The following WDR70 variants were observed in gnomAD, a reference collection of about 807,000 sequenced individuals.
The protein encoded by WDR70 is WD repeat domain 70.
Under a neutral mutation model 88.6 loss-of-function variants are expected in WDR70, and 53 were observed. The observed-to-expected ratio is 0.60, with a 90% confidence interval of 0.48 to 0.75. The LOEUF (loss-of-function observed/expected upper bound fraction) is 0.75. WDR70 is among the 30% of genes least tolerant of loss of function. The pLI, the probability that WDR70 is intolerant of heterozygous loss-of-function variation, is 0.00. For synonymous variants in WDR70, 280 were observed against 270.0 expected, an observed-to-expected ratio of 1.04 and a Z score of -0.36; for missense variants, 610 against 823.2, an observed-to-expected ratio of 0.74 and a Z score of 3.17.
At chr5:37,655,194 T>C (rs1312288249) in intron 10 of WDR70, among the ~76,000 whole-genome samples, 1 of 152,214 alleles carries the variant, frequency 6.6e-6, no homozygotes, top group African/African-American at 2.4e-5. Flanking sequence ...TATTTCTCCT[T>C]CGCTTATGAA....
chr5:37,567,390 C>G (rs138978481), intron 9 of WDR70, among the ~76,000 whole-genome samples: 1 of 152,110 alleles, frequency 6.6e-6, no homozygotes, highest in East Asian at 1.9e-4. Context: ...GAATAAATCT[C>G]TTGTATAACT....
At chr5:37,563,648 C>T (rs1331736718) in intron 9 of WDR70, among the ~76,000 whole-genome samples, 2 of 59,128 alleles carry the variant, frequency 3.4e-5, no homozygotes, top group Non-Finnish European at 8.9e-5. Flanking sequence ...GCTGGCCGGG[C>T]GGGGGGCTGA....
intron 10 of WDR70, among the ~76,000 whole-genome samples, chr5:37,632,496 A>T (rs1486625861): frequency 1.3e-5 from 2 of 152,170 alleles, no homozygotes; most frequent in African/African-American, 4.8e-5. Flanking sequence ...GAAGACACTG[A>T]TATTGATGAT....
intron 10 of WDR70, among the ~76,000 whole-genome samples, chr5:37,625,645 C>T (rs557255764): frequency 6.6e-6 from 1 of 152,220 alleles, no homozygotes; most frequent in East Asian, 1.9e-4. Context: ...CTGCCTCAGC[C>T]TCCTGAGTAG....
At chr5:37,475,650 A>G (rs1229028371) in intron 7 of WDR70, among the ~76,000 whole-genome samples, 2 of 152,154 alleles carry the variant, frequency 1.3e-5, no homozygotes, top group South Asian at 2.1e-4. Flanking sequence ...CACACTCTCC[A>G]TATAAATAAA....
At chr5:37,539,420 A>G (rs1360323819) in intron 9 of WDR70, among the ~76,000 whole-genome samples, 1 of 152,222 alleles carries the variant, frequency 6.6e-6, no homozygotes, top group Non-Finnish European at 1.5e-5. Flanking sequence ...GCCACACAGA[A>G]AAGACCATGT....
intron 8 of WDR70, among the ~76,000 whole-genome samples, chr5:37,493,981 G>A (rs1213134020): frequency 1.3e-5 from 2 of 152,004 alleles, no homozygotes; most frequent in Admixed American, 1.3e-4. Context: ...ACCATGCCTG[G>A]CTGATTTTTG....
chr5:37,428,872 T>C (rs769920041), intron 5 of WDR70, among the ~76,000 whole-genome samples: 4 of 152,218 alleles, frequency 2.6e-5, no homozygotes, highest in African/African-American at 4.8e-5. Flanking sequence ...ACCTGCAAAA[T>C]TGGAGAATTC....
chr5:37,514,884 C>CGG (rs1740840501), intron 8 of WDR70, among the ~76,000 whole-genome samples: 2 of 151,924 alleles, frequency 1.3e-5, no homozygotes, highest in Non-Finnish European at 2.9e-5. Context: ...GGCATGGTGG[C>CGG]TCATGCCTGT....
At chr5:37,519,240 G>A (rs1033734050) in intron 9 of WDR70, among the ~76,000 whole-genome samples, 14 of 152,254 alleles carry the variant, frequency 9.2e-5, no homozygotes, top group Middle Eastern at 3.4e-3. Context: ...ATGGGGCACC[G>A]GGCAGAGGCG....
intron 12 of WDR70, among the ~76,000 whole-genome samples, chr5:37,702,368 A>G (rs774976499): frequency 1.3e-4 from 20 of 152,204 alleles, no homozygotes; most frequent in Non-Finnish European, 2.6e-4. Flanking sequence ...TAGATTAGTC[A>G]CAATCAGATG....
At chr5:37,415,283 A>C (rs1197165007) in intron 5 of WDR70, among the ~76,000 whole-genome samples, 1 of 151,638 alleles carries the variant, frequency 6.6e-6, no homozygotes, top group Admixed American at 6.6e-5. Flanking sequence ...GCCCGTTCTC[A>C]ATGAGCTGTT....
intron 5 of WDR70, among the ~76,000 whole-genome samples, chr5:37,402,363 C>T (rs1749224460): frequency 6.7e-6 from 1 of 150,260 alleles, no homozygotes; most frequent in African/African-American, 2.5e-5. Context: ...TATTGATGGA[C>T]ACGTAGGTTG....
At chr5:37,594,935 T>C (rs141473946) in intron 9 of WDR70, among the ~76,000 whole-genome samples, 6,108 of 152,300 alleles carry the variant, frequency 0.04, 435 homozygotes, top group African/African-American at 0.14. Context: ...GATTTGGCTC[T>C]ATGTTTGTCT....
intron 13 of WDR70, among the ~76,000 whole-genome samples, chr5:37,709,235 A>AT (rs1455315880): frequency 1.3e-5 from 2 of 152,196 alleles, no homozygotes; most frequent in Non-Finnish European, 2.9e-5. Context: ...CCATTATCTG[A>AT]TTTTTATTAT....
At chr5:37,738,362 C>T (rs1748365731) in intron 17 of WDR70, among the ~76,000 whole-genome samples, 1 of 152,178 alleles carries the variant, frequency 6.6e-6, no homozygotes, top group Non-Finnish European at 1.5e-5. Context: ...TGCTCTGTTA[C>T]CCTGGAGCTC....
At chr5:37,534,560 C>A (rs752297541) in intron 9 of WDR70, among the ~76,000 whole-genome samples, 1 of 146,514 alleles carries the variant, frequency 6.8e-6, no homozygotes, top group Non-Finnish European at 1.5e-5. Flanking sequence ...TGCAGAGGCA[C>A]AATTTGGGCT....
intron 10 of WDR70, among the ~76,000 whole-genome samples, chr5:37,655,889 G>T (rs577638600): frequency 6.6e-6 from 1 of 151,838 alleles, no homozygotes. Flanking sequence ...GAACATGCTC[G>T]TTTAGCTCAG....
At chr5:37,577,514 A>T (rs1359980170) in intron 9 of WDR70, among the ~76,000 whole-genome samples, 1 of 152,190 alleles carries the variant, frequency 6.6e-6, no homozygotes, top group African/African-American at 2.4e-5. Flanking sequence ...ACATATATAC[A>T]TATAAAATAA....
Sources: allele counts gnomAD v4.1 joint callset (sites outside exome capture counted in the v4.1 genomes callset), GRCh38; gene constraint gnomAD v4.1.1; transcripts MANE v1.5; gene names NCBI Gene and HGNC (gene_info 2026-07-23, HGNC 2026-07-21).